CRYBG1: variants seen among roughly 807,000 people sequenced by gnomAD.
CRYBG1 encodes the protein crystallin beta-gamma domain containing 1.
A neutral mutation model predicts 189.2 loss-of-function variants in CRYBG1; 139 were observed. The ratio of observed to expected loss-of-function variants is 0.73; its 90% confidence interval spans 0.64 to 0.85. CRYBG1 has a LOEUF of 0.85. Among genes scored for constraint, CRYBG1 ranks in the 40% least tolerant of loss-of-function variants. CRYBG1 has a pLI of 0.00. For missense variants in CRYBG1, 2,611 were observed against 2,675.8 expected, an observed-to-expected ratio of 0.98 and a Z score of 0.53; for synonymous variants, 1,023 against 1,017.1, an observed-to-expected ratio of 1.01 and a Z score of -0.11.
chr6:106,362,067 T>G (rs1771885478), intron 1 of CRYBG1, among the ~76,000 whole-genome samples: 1 of 149,584 alleles, frequency 6.7e-6, no homozygotes, highest in African/African-American at 2.5e-5. Flanking sequence ...ACCTCCCGGG[T>G]TCACGCCATT....
chr6:106,501,545 C>T (rs1326318284), intron 2 of CRYBG1, among the ~76,000 whole-genome samples: 4 of 152,230 alleles, frequency 2.6e-5, no homozygotes, highest in Admixed American at 2.0e-4. Context: ...TTGAGCAAAA[C>T]ATCAGCAAAA....
At chr6:106,383,172 A>C (rs1770319211) in intron 1 of CRYBG1, among the ~76,000 whole-genome samples, 1 of 152,206 alleles carries the variant, frequency 6.6e-6, no homozygotes, top group African/African-American at 2.4e-5. Context: ...CTCATCTAGT[A>C]TTTCTCAAAA....
intron 1 of CRYBG1, among the ~76,000 whole-genome samples, chr6:106,430,713 A>C (rs1771307001): frequency 6.6e-6 from 1 of 151,350 alleles, no homozygotes; most frequent in Admixed American, 6.6e-5. Flanking sequence ...GTTTCTTCCC[A>C]TATTATCTCG....
Position 106,527,208 on chromosome 6 carries a change from A to C in CRYBG1, c.4413-97A>C, listed in dbSNP as rs907309087. On this transcript the variant is annotated intron_variant, in intron 6 of 21. Coordinates refer to ENST00000633556, the MANE Select transcript of CRYBG1 (RefSeq NM_001371242.2). ...CTAGATAATTGGCTGCTAATATTCT[A>C]TATATATATATAAAATGGCAATTAG... 1.9e-5 allele frequency: 15 copies of C among 804,404 alleles called. No homozygotes were observed. In the African/African-American group the frequency reaches 2.5e-4, roughly 13 times the overall value. The allele number at this position is 804,404 out of a possible 1,614,324, so 49.8% of individuals were successfully genotyped here.
Position 106,533,224 on chromosome 6 carries a change from G to A in CRYBG1, c.4718+2909G>A, listed in dbSNP as rs144260133. 3.5e-3 allele frequency among the ~76,000 whole-genome samples: 530 copies of A among 152,328 alleles called. 4 individuals carry two copies. The highest frequency in any genetic ancestry group is 0.012 in the African/African-American group (495 of 41,576). On this transcript the variant is annotated intron_variant, in intron 8 of 21. Transcript: ENST00000633556. ...TCTGCCCTGGAGCTAGCTGAGGGAAGAGGGGCAGGGAGCCTGTCCCAGAGA... is the reference window on the plus strand; with the variant it reads ...TCTGCCCTGGAGCTAGCTGAGGGAAAAGGGGCAGGGAGCCTGTCCCAGAGA...
intron 2 of CRYBG1, among the ~76,000 whole-genome samples, chr6:106,453,730 G>A (rs907436991): frequency 2.6e-5 from 4 of 152,240 alleles, no homozygotes; most frequent in African/African-American, 7.2e-5. Context: ...TGAGGTAGGT[G>A]GCAAGGAAGG....
intron 1 of CRYBG1, among the ~76,000 whole-genome samples, chr6:106,429,661 C>T (rs1273821245): frequency 1.3e-5 from 2 of 152,158 alleles, no homozygotes; most frequent in South Asian, 2.1e-4. Context: ...CAGATCACGC[C>T]GGACAGGTTC....
At chr6:106,537,143 C>T (rs1328245976) in intron 8 of CRYBG1, among the ~76,000 whole-genome samples, 1 of 152,228 alleles carries the variant, frequency 6.6e-6, no homozygotes, top group Non-Finnish European at 1.5e-5. Flanking sequence ...AACTAAACCA[C>T]ATGCTTCAAC....
intron 2 of CRYBG1, among the ~76,000 whole-genome samples, chr6:106,489,434 A>G (rs1262150867): frequency 6.6e-6 from 1 of 152,142 alleles, no homozygotes; most frequent in Non-Finnish European, 1.5e-5. Flanking sequence ...TTCAAAATAG[A>G]AAAAAATCAA....
chr6:106,499,762 T>C (rs1010670581), intron 2 of CRYBG1, among the ~76,000 whole-genome samples: 1 of 152,200 alleles, frequency 6.6e-6, no homozygotes, highest in Non-Finnish European at 1.5e-5. Flanking sequence ...GTGCAATAGA[T>C]CTTGAAAACT....
chr6:106,415,095 G>T (rs1562300310), intron 1 of CRYBG1, among the ~76,000 whole-genome samples: 1 of 152,090 alleles, frequency 6.6e-6, no homozygotes, highest in Admixed American at 6.6e-5. Flanking sequence ...TTGAGTCCAG[G>T]CTTTCACTTG....
intron 8 of CRYBG1, among the ~76,000 whole-genome samples, chr6:106,536,292 G>C (rs1774003306): frequency 6.6e-6 from 1 of 152,222 alleles, no homozygotes; most frequent in South Asian, 2.1e-4. Context: ...TATCACAGCA[G>C]GTGGCATGTG....
intron 2 of CRYBG1, among the ~76,000 whole-genome samples, chr6:106,477,312 A>G (rs1213541380): frequency 6.6e-6 from 1 of 152,220 alleles, no homozygotes; most frequent in African/African-American, 2.4e-5. Context: ...AAGTACAGAA[A>G]GAGGAGGTTT....
chr6:106,481,986 C>T (rs147967205), intron 2 of CRYBG1, among the ~76,000 whole-genome samples: 112 of 128,792 alleles, frequency 8.7e-4, no homozygotes, highest in African/African-American at 3.1e-3. Flanking sequence ...GACTGATACA[C>T]GTTCTCTCCC....
chr6:106,471,803 T>TAA (rs36006580), intron 2 of CRYBG1, among the ~76,000 whole-genome samples: 2 of 136,010 alleles, frequency 1.5e-5, no homozygotes, highest in African/African-American at 5.8e-5. Context: ...GCCAGACAGT[T>TAA]AAAAAAAAAA....
chr6:106,468,310 C>T (rs898946980), intron 2 of CRYBG1, among the ~76,000 whole-genome samples: 16 of 152,040 alleles, frequency 1.1e-4, no homozygotes, highest in Non-Finnish European at 2.1e-4. Flanking sequence ...GAAAGGTTAA[C>T]GGCTGTCAAA....
chr6:106,538,819 C>T (rs1189192542), intron 8 of CRYBG1, among the ~76,000 whole-genome samples: 1 of 151,174 alleles, frequency 6.6e-6, no homozygotes, highest in Non-Finnish European at 1.5e-5. Context: ...TCACTTGAAC[C>T]AGGAGGCAGA....
intron 1 of CRYBG1, among the ~76,000 whole-genome samples, chr6:106,444,599 C>T (rs966426786): frequency 6.6e-6 from 1 of 152,132 alleles, no homozygotes; most frequent in African/African-American, 2.4e-5. Context: ...TTTCATGGTT[C>T]GTTAATCATG....
intron 2 of CRYBG1, among the ~76,000 whole-genome samples, chr6:106,500,973 G>A (rs1053187067): frequency 4.6e-5 from 7 of 152,144 alleles, no homozygotes; most frequent in African/African-American, 1.7e-4. Context: ...ATACACTGTT[G>A]TCTGACTCTT....
Sources: gnomAD v4.1 joint callset for allele counts (sites outside exome capture counted in the v4.1 genomes callset) on GRCh38, gnomAD v4.1.1 for gene constraint, MANE v1.5 for transcripts, NCBI Gene and HGNC (gene_info 2026-07-23, HGNC 2026-07-21) for gene names.